The following DAB1 variants were observed in gnomAD, a reference collection of about 807,000 sequenced individuals.
DAB1 encodes the protein disabled homolog 1.
A neutral mutation model predicts 64.6 loss-of-function variants in DAB1; 15 were observed. The observed-to-expected ratio is 0.23, with a 90% CI of 0.16 to 0.36. The LOEUF (loss-of-function observed/expected upper bound fraction) is 0.36, where lower values mean the gene tolerates loss of function less well. DAB1 is among the 10% of genes least tolerant of loss of function. The pLI is 1.00. For synonymous variants in DAB1, 235 were observed against 251.9 expected, an observed-to-expected ratio of 0.93 and a Z score of 0.64; for missense variants, 596 against 706.7, an observed-to-expected ratio of 0.84 and a Z score of 1.78.
At chr1:58,389,154 G>A (rs906941929) in intron 3 of DAB1, among the ~76,000 whole-genome samples, 1 of 152,206 alleles carries the variant, frequency 6.6e-6, no homozygotes, top group Admixed American at 6.5e-5. Context: ...AGAACAGTAG[G>A]AACTGCCCCA....
chr1:57,913,671 G>A (rs1285344856), intron 5 of DAB1, among the ~76,000 whole-genome samples: 2 of 152,034 alleles, frequency 1.3e-5, no homozygotes, highest in African/African-American at 4.8e-5. Context: ...TACAGAATGG[G>A]AGAAAATTTT....
chr1:57,564,100 C>A (rs1645087209), intron 7 of DAB1, among the ~76,000 whole-genome samples: 1 of 152,160 alleles, frequency 6.6e-6, no homozygotes, highest in South Asian at 2.1e-4. Flanking sequence ...TCCAGAGGAA[C>A]AATCAGGCAG....
chr1:57,296,234 G>T (rs2100682993), intron 1 of DAB1, among the ~76,000 whole-genome samples: 1 of 152,226 alleles, frequency 6.6e-6, no homozygotes, highest in Middle Eastern at 3.4e-3. Flanking sequence ...TAAAGTGATA[G>T]ACTGAAAATT....
intron 3 of DAB1, among the ~76,000 whole-genome samples, chr1:58,410,831 T>C (rs943809225): frequency 1.3e-5 from 2 of 152,118 alleles, no homozygotes; most frequent in Admixed American, 6.5e-5. Flanking sequence ...CCCAATCCCA[T>C]AACCACCAAT....
intron 6 of DAB1, among the ~76,000 whole-genome samples, chr1:57,727,726 C>CTCCT (rs544033691): frequency 0.05 from 6,794 of 137,098 alleles, 365 homozygotes; most frequent in African/African-American, 0.12. Context: ...CCTTCCTTCT[C>CTCCT]TCCTTCCTTC....
intron 3 of DAB1, among the ~76,000 whole-genome samples, chr1:58,435,612 C>G (rs1184457216): frequency 7.2e-5 from 11 of 152,160 alleles, no homozygotes. Flanking sequence ...GCTCTGTCAT[C>G]CCCTCGTCCT....
At chr1:57,487,707 T>C (rs538812872) in intron 7 of DAB1, among the ~76,000 whole-genome samples, 3 of 152,288 alleles carry the variant, frequency 2.0e-5, no homozygotes, top group African/African-American at 7.2e-5. Context: ...CCTAGGTGTG[T>C]TTTAGGCTAT....
chr1:58,244,187 CAT>C (rs775280910), intron 4 of DAB1, among the ~76,000 whole-genome samples: 1 of 152,128 alleles, frequency 6.6e-6, no homozygotes, highest in Non-Finnish European at 1.5e-5. Flanking sequence ...GATAGAATAA[CAT>C]ATGAAAAGTG....
chr1:57,400,260 TA>T (rs1683135076), intron 1 of DAB1, among the ~76,000 whole-genome samples: 1 of 152,126 alleles, frequency 6.6e-6, no homozygotes, highest in South Asian at 2.1e-4. Context: ...TTTTTCAGGT[TA>T]ATTTTTAACC....
At chr1:57,625,862 T>A (rs1645916338) in intron 7 of DAB1, among the ~76,000 whole-genome samples, 1 of 152,086 alleles carries the variant, frequency 6.6e-6, no homozygotes, top group Non-Finnish European at 1.5e-5. Flanking sequence ...AAAAGCCCTA[T>A]TTTTGGATTT....
intron 4 of DAB1, among the ~76,000 whole-genome samples, chr1:57,108,324 A>G (rs1655354212): frequency 6.6e-6 from 1 of 152,166 alleles, no homozygotes; most frequent in Non-Finnish European, 1.5e-5. Context: ...GAAACGTTTC[A>G]TTACTAGTTT....
At chr1:57,918,163 CAAT>C (rs1644756773) in intron 5 of DAB1, among the ~76,000 whole-genome samples, 1 of 151,560 alleles carries the variant, frequency 6.6e-6, no homozygotes, top group Admixed American at 6.6e-5. Flanking sequence ...AAAAATATCT[CAAT>C]AAAGCCCTTA....
chr1:58,308,251 C>T (rs963805700), intron 4 of DAB1, among the ~76,000 whole-genome samples: 3 of 152,050 alleles, frequency 2.0e-5, no homozygotes, highest in African/African-American at 4.8e-5. Context: ...AAAAGGGATG[C>T]CCTCACATCC....
chr1:58,542,042 A>T (rs1009855902), intron 1 of DAB1, among the ~76,000 whole-genome samples: 1 of 152,230 alleles, frequency 6.6e-6, no homozygotes, highest in African/African-American at 2.4e-5. Flanking sequence ...TATTATCTAT[A>T]TATCAAACCA....
intron 2 of DAB1, among the ~76,000 whole-genome samples, chr1:57,188,388 AG>A (rs2100994428): frequency 6.6e-6 from 1 of 152,316 alleles, no homozygotes; most frequent in South Asian, 2.1e-4. Flanking sequence ...AGAAAAAGGC[AG>A]GAAAAAAAAA....
At chr1:58,072,890 T>C (rs1210118573) in intron 5 of DAB1, among the ~76,000 whole-genome samples, 1 of 152,220 alleles carries the variant, frequency 6.6e-6, no homozygotes, top group Admixed American at 6.5e-5. Context: ...TGCTTCCAAA[T>C]AGATAAGTGT....
At chr1:57,336,228 C>T (rs1034952405) in intron 1 of DAB1, among the ~76,000 whole-genome samples, 1 of 152,130 alleles carries the variant, frequency 6.6e-6, no homozygotes, top group Admixed American at 6.5e-5. Context: ...TAGCTCTTGT[C>T]GTTTTCTTTC....
At chr1:57,649,748 A>C (rs1438624308) in intron 6 of DAB1, 2 of 152,204 alleles carry the variant, frequency 1.3e-5, no homozygotes, top group African/African-American at 2.4e-5. Flanking sequence ...TCAGTAAAGA[A>C]ACATTTACTA....
chr1:57,156,636 C>T (rs1660247306), intron 2 of DAB1, among the ~76,000 whole-genome samples: 1 of 152,164 alleles, frequency 6.6e-6, no homozygotes, highest in South Asian at 2.1e-4. Flanking sequence ...TTTATACAGT[C>T]CATAAGTATG....
Sources: allele counts gnomAD v4.1 joint callset (sites outside exome capture counted in the v4.1 genomes callset), GRCh38; gene constraint gnomAD v4.1.1; transcripts MANE v1.5; gene names NCBI Gene and HGNC (gene_info 2026-07-23, HGNC 2026-07-21).